Variants in RNF220 observed in about 807,000 individuals in gnomAD.
RNF220 encodes the protein ring finger protein 220, also known as E3 ubiquitin-protein ligase RNF220.
Under a neutral mutation model 67.1 loss-of-function variants are expected in RNF220, and 7 were observed. That is an observed-to-expected ratio of 0.10 (90% confidence interval 0.06 to 0.20). The LOEUF (loss-of-function observed/expected upper bound fraction) is 0.20. Among genes scored for constraint, RNF220 ranks in the 10% least tolerant of loss-of-function variants. RNF220 has a pLI of 1.00. For missense variants in RNF220, 565 were observed against 740.3 expected, an observed-to-expected ratio of 0.76 and a Z score of 2.75; for synonymous variants, 270 against 283.2, an observed-to-expected ratio of 0.95 and a Z score of 0.47.
chr1:44,441,129 C>T (rs1379895957), intron 2 of RNF220, among the ~76,000 whole-genome samples: 1 of 152,310 alleles, frequency 6.6e-6, no homozygotes, highest in South Asian at 2.1e-4. Context: ...GAATGCTGAT[C>T]CCCAGTTAAA....
At chr1:44,589,649 A>C (rs1405568493) in intron 2 of RNF220, among the ~76,000 whole-genome samples, 1 of 151,978 alleles carries the variant, frequency 6.6e-6, no homozygotes, top group Non-Finnish European at 1.5e-5. Context: ...CACCTCCTAA[A>C]GGTGGAGTCA....
intron 2 of RNF220, among the ~76,000 whole-genome samples, chr1:44,544,347 T>A (rs1489726652): frequency 6.6e-6 from 1 of 152,226 alleles, no homozygotes; most frequent in Non-Finnish European, 1.5e-5. Context: ...ATCACCCTGT[T>A]CCTCTTGTTC....
intron 2 of RNF220, among the ~76,000 whole-genome samples, chr1:44,497,719 C>A (rs1372062069): frequency 6.6e-6 from 1 of 152,190 alleles, no homozygotes; most frequent in African/African-American, 2.4e-5. Context: ...CAAATCTCTC[C>A]ATTCCCCCAA....
At chr1:44,410,964 A>G (rs907430354) in intron 1 of RNF220, among the ~76,000 whole-genome samples, 1 of 152,250 alleles carries the variant, frequency 6.6e-6, no homozygotes, top group Non-Finnish European at 1.5e-5. Flanking sequence ...GGAAACTGAA[A>G]GAAGTCTCTC....
At chr1:44,613,464 A>G (rs1207807782) in intron 2 of RNF220, among the ~76,000 whole-genome samples, 2 of 152,390 alleles carry the variant, frequency 1.3e-5, no homozygotes, top group Admixed American at 1.3e-4. Flanking sequence ...CGGTTTAAAC[A>G]TCCCAGCCGG....
intron 2 of RNF220, among the ~76,000 whole-genome samples, chr1:44,536,582 G>GGCTGCGGA (rs1395957806): frequency 2.6e-5 from 4 of 152,180 alleles, no homozygotes; most frequent in African/African-American, 9.7e-5. Context: ...TTTCCTCTGG[G>GGCTGCGGA]GCTGCGGAGC....
chr1:44,449,376 C>A (rs915655086), intron 2 of RNF220, among the ~76,000 whole-genome samples: 1 of 152,146 alleles, frequency 6.6e-6, no homozygotes, highest in African/African-American at 2.4e-5. Flanking sequence ...CCACTTGAAC[C>A]CTCTTCTTCA....
Position 44,571,619 on chromosome 1 carries a change from A to G in RNF220, c.626-42546A>G, listed in dbSNP as rs549540851. On this transcript the variant is annotated intron_variant, in intron 2 of 14. Coordinates refer to ENST00000361799, the MANE Select transcript of RNF220 (RefSeq NM_018150.4). Reference sequence around the variant, plus strand: ...ATGTTTGCTCTGCTTTTGTCTGCACATGTTCTATCAGGGTGATCTCATGAT... The same window carrying G: ...ATGTTTGCTCTGCTTTTGTCTGCACGTGTTCTATCAGGGTGATCTCATGAT... Among the ~76,000 whole-genome samples the G allele has an allele frequency of 1.1e-3, 165 of 152,316 alleles. 1 individual carries two copies. The highest frequency in any genetic ancestry group is 3.8e-3 in the African/African-American group (158 of 41,580).
intron 2 of RNF220, among the ~76,000 whole-genome samples, chr1:44,426,635 G>A (rs977413457): frequency 6.6e-6 from 1 of 151,686 alleles, no homozygotes; most frequent in African/African-American, 2.4e-5. Flanking sequence ...GCTAAGGCAG[G>A]AGAATTGCTT....
At chr1:44,460,152 G>C (rs1538883) in intron 2 of RNF220, among the ~76,000 whole-genome samples, 2 of 152,198 alleles carry the variant, frequency 1.3e-5, no homozygotes, top group Non-Finnish European at 2.9e-5. Context: ...CTCGTCTCAC[G>C]GGGTGAGGGA....
chr1:44,533,511 A>G lies in RNF220; in HGVS notation c.626-80654A>G, dbSNP rs980683157. On this transcript the variant is annotated intron_variant, in intron 2 of 14. Transcript: ENST00000361799. Reference sequence around the variant, plus strand: ...CAGAAAAAATAAAAGAAAAAGAAATAAAGTTTTAGTCCAGGTTGGTTCTCC... The same window carrying G: ...CAGAAAAAATAAAAGAAAAAGAAATGAAGTTTTAGTCCAGGTTGGTTCTCC... 3.9e-4 allele frequency among the ~76,000 whole-genome samples: 60 copies of G among 152,286 alleles called. 1 individual carries two copies. Among genetic ancestry groups the G allele is most frequent in the African/African-American group, 1.4e-3 (57 of 41,564 alleles).
At chr1:44,571,328 C>T (rs79926429) in intron 2 of RNF220, among the ~76,000 whole-genome samples, 437 of 152,328 alleles carry the variant, frequency 2.9e-3, no homozygotes, top group African/African-American at 0.01. Flanking sequence ...CGCAGATCCT[C>T]ATGACTCTCT....
chr1:44,510,739 C>T (rs374628061), intron 2 of RNF220, among the ~76,000 whole-genome samples: 1 of 152,164 alleles, frequency 6.6e-6, no homozygotes, highest in Non-Finnish European at 1.5e-5. Context: ...CCCTACCAGT[C>T]GTTACGCACT....
intron 2 of RNF220, among the ~76,000 whole-genome samples, chr1:44,587,509 G>T (rs528626322): frequency 9.2e-5 from 14 of 152,262 alleles, no homozygotes; most frequent in African/African-American, 2.4e-4. Context: ...CAAGGAGGGG[G>T]TGGAAAGAGA....
Position 44,459,185 on chromosome 1 carries a change from G to GT in RNF220, c.625+46463_625+46464insT, listed in dbSNP as rs1409738936. Among the ~76,000 whole-genome samples, 11 of 140,348 alleles carry GT rather than the reference G, an allele frequency of 7.8e-5. No homozygotes were observed. In the Middle Eastern group the frequency reaches 0.012, roughly 153 times the overall value. 92.1% of individuals were successfully genotyped at this position (140,348 alleles called of 152,430 possible). A position where few individuals can be genotyped will look rare whatever the true frequency, so the allele number is the denominator to read the frequency against. Reference sequence around the variant, plus strand: ...TTTTACCATGGTGATTCTTTTGGTGGGTTTTTTTTTAATTTCAAGGTTTTT... The same window carrying GT: ...TTTTACCATGGTGATTCTTTTGGTGGTGTTTTTTTTTAATTTCAAGGTTTTT... On this transcript the variant is annotated intron_variant, in intron 2 of 14. Coordinates refer to ENST00000361799, the MANE Select transcript of RNF220 (RefSeq NM_018150.4).
chr1:44,544,794 G>A (rs913446114), intron 2 of RNF220, among the ~76,000 whole-genome samples: 4 of 152,250 alleles, frequency 2.6e-5, no homozygotes, highest in African/African-American at 9.6e-5. Context: ...CCACTCCACG[G>A]CGGATGCCTG....
At chr1:44,469,620 G>C (rs1467307670) in intron 2 of RNF220, among the ~76,000 whole-genome samples, 1 of 152,206 alleles carries the variant, frequency 6.6e-6, no homozygotes, top group Admixed American at 6.5e-5. Flanking sequence ...GTGAGGCACA[G>C]TCCCTGTCCT....
At position 44,622,747 on chromosome 1, in the gene RNF220, A is replaced by G. The variant is rs1441142981; in HGVS notation, c.764A>G (p.Asn255Ser). Residue 255 changes from asparagine to serine, a missense_variant, in exon 4 of 15, where the codon AAT (asparagine) becomes AGT (serine). Asn to Ser is a conservative substitution (Grantham distance 46). Coordinates refer to ENST00000361799, the MANE Select transcript of RNF220 (RefSeq NM_018150.4). This position sits in a 1 kb window ranked among gnomAD's most constrained non-coding sequence, Gnocchi z 4.3. Reference sequence around the variant, plus strand: ...GTTCTCTTCTTTCTTGGCAGCAAGAATTCCCTTCTGAAGGATGCCATGGCT... The same window carrying G: ...GTTCTCTTCTTTCTTGGCAGCAAGAGTTCCCTTCTGAAGGATGCCATGGCT... ...EQLAQLPSSK[N>S]SLLKDAMAPG... 1 of 1,614,000 alleles carries G rather than the reference A, an allele frequency of 6.2e-7. No individual in the cohort carries two copies. Among genetic ancestry groups the G allele is most frequent in the African/African-American group, 1.3e-5 (1 of 75,062 alleles).
At chr1:44,641,548 G>C (rs962170709) in intron 8 of RNF220, among the ~76,000 whole-genome samples, 1 of 152,218 alleles carries the variant, frequency 6.6e-6, no homozygotes, top group Non-Finnish European at 1.5e-5. Context: ...AACATCAAAC[G>C]ACTGTGGAGC....
Sources: allele counts gnomAD v4.1 joint callset (sites outside exome capture counted in the v4.1 genomes callset), GRCh38; gene constraint gnomAD v4.1.1; non-coding constraint Gnocchi (gnomAD v3.1); transcripts MANE v1.5; gene names NCBI Gene and HGNC (gene_info 2026-07-23, HGNC 2026-07-21).